The following EBF2 variants were observed in gnomAD, a reference collection of about 807,000 sequenced individuals.
EBF2 encodes EBF transcription factor 2.
In EBF2, 21 loss-of-function variants were observed where a neutral mutation model predicts 72.8. That is an observed-to-expected ratio of 0.29 (90% CI 0.20 to 0.42). The LOEUF (loss-of-function observed/expected upper bound fraction) is 0.42. EBF2 is among the 10% of genes least tolerant of loss of function. The pLI, the probability that EBF2 is intolerant of heterozygous loss-of-function variation, is 1.00. For synonymous variants in EBF2, 299 were observed against 274.2 expected (o/e 1.09, Z -0.89); for missense variants, 637 against 731.2 (o/e 0.87, Z 1.49).
At chr8:26,016,458 C>A (rs1004293204) in intron 6 of EBF2, among the ~76,000 whole-genome samples, 1 of 152,112 alleles carries the variant, frequency 6.6e-6, no homozygotes, top group African/African-American at 2.4e-5. Flanking sequence ...CCAACTTGGC[C>A]TCTACTTAGT....
chr8:25,905,583 C>A (rs1246598132), intron 7 of EBF2, among the ~76,000 whole-genome samples: 1 of 152,124 alleles, frequency 6.6e-6, no homozygotes, highest in East Asian at 1.9e-4. Context: ...AAAACAGACA[C>A]AAAAGCCACA....
At position 26,045,276 on chromosome 8, in the gene EBF2, G is replaced by GA. The variant is rs4055794; in HGVS notation, c.-418dup. 0.029 allele frequency: 4,167 copies of GA among 145,976 alleles called. 132 individuals carry two copies. The highest frequency in any genetic ancestry group is 0.07 in the African/African-American group (2,792 of 39,992). 9.0% of individuals were successfully genotyped at this position (145,976 alleles called of 1,614,324 possible). A position where few individuals can be genotyped will look rare whatever the true frequency, so the allele number is the denominator to read the frequency against. ...TGCTCCTCCCCACCGTTCCAATTTA[G>GA]AAAAAAAAAAAATCCCCAACAGGAT... is the stretch of plus-strand genomic sequence containing the variant. On this transcript the variant is annotated 5_prime_UTR_variant, in exon 1 of 16. Transcript: ENST00000520164.
chr8:25,963,153 A>C (rs1804061491), intron 6 of EBF2, among the ~76,000 whole-genome samples: 1 of 152,180 alleles, frequency 6.6e-6, no homozygotes, highest in African/African-American at 2.4e-5. Context: ...CAGATATGGA[A>C]GCAACACAGT....
rs570886554 is a variant in EBF2, at chr8:25,896,634, G to C, written c.634-6765C>G. On this transcript the variant is annotated intron_variant, in intron 7 of 15. Transcript: ENST00000520164. ...TTATGTGGGATTTTATTTTCCACCT[G>C]TGGAAGGAGGAAAGGGACAGAGAAA... 7.9e-5 allele frequency among the ~76,000 whole-genome samples: 12 copies of C among 152,280 alleles called. No individual in the cohort carries two copies. In the East Asian group the frequency reaches 1.9e-3, roughly 24 times the overall value.
At chr8:26,011,822 A>G (rs1258362887) in intron 6 of EBF2, among the ~76,000 whole-genome samples, 3 of 151,846 alleles carry the variant, frequency 2.0e-5, no homozygotes, top group African/African-American at 2.4e-5. Flanking sequence ...AAAAAAAAAA[A>G]GCAATGTGTT....
intron 6 of EBF2, among the ~76,000 whole-genome samples, chr8:25,960,800 C>A (rs1041801534): frequency 6.6e-6 from 1 of 152,156 alleles, no homozygotes; most frequent in African/African-American, 2.4e-5. Flanking sequence ...CTGCTAAATT[C>A]TTTAGAAAAC....
chr8:25,854,007 T>G (rs1436638474), intron 14 of EBF2, among the ~76,000 whole-genome samples: 1 of 152,170 alleles, frequency 6.6e-6, no homozygotes, highest in Non-Finnish European at 1.5e-5. Flanking sequence ...TGTCCGTATC[T>G]TCAAAGTTTT....
At chr8:25,890,734 C>T (rs1426005937) in intron 7 of EBF2, among the ~76,000 whole-genome samples, 1 of 152,134 alleles carries the variant, frequency 6.6e-6, no homozygotes, top group African/African-American at 2.4e-5. Flanking sequence ...TGACATGATG[C>T]TTAAAGGAAA....
intron 5 of EBF2, among the ~76,000 whole-genome samples, chr8:26,033,864 C>T (rs1480092843): frequency 1.3e-5 from 2 of 152,130 alleles, no homozygotes; most frequent in Admixed American, 1.3e-4. Context: ...AAACACTGAA[C>T]CTGAAGCCAA....
chr8:26,008,192 C>A (rs1804913731), intron 6 of EBF2, among the ~76,000 whole-genome samples: 1 of 152,130 alleles, frequency 6.6e-6, no homozygotes, highest in South Asian at 2.1e-4. Context: ...TTACAGCACA[C>A]AACCTCTCCT....
intron 6 of EBF2, among the ~76,000 whole-genome samples, chr8:25,973,645 T>C (rs1037791195): frequency 1.3e-5 from 2 of 152,164 alleles, no homozygotes; most frequent in East Asian, 1.9e-4. Flanking sequence ...AGATTGTTTT[T>C]CCCCCTTGAA....
chr8:25,956,927 A>G (rs1803958129), intron 6 of EBF2, among the ~76,000 whole-genome samples: 1 of 152,366 alleles, frequency 6.6e-6, no homozygotes, highest in Non-Finnish European at 1.5e-5. Context: ...GTCCCCAAGG[A>G]AACACCGCTC....
chr8:25,861,030 A>G lies in EBF2; in HGVS notation c.1342+19T>C. 6.2e-7 allele frequency: 1 copy of G among 1,613,896 alleles called. No individual in the cohort carries two copies. The highest frequency in any genetic ancestry group is 1.1e-5 in the South Asian group (1 of 91,052). On this transcript the variant is annotated intron_variant, in intron 13 of 15. Coordinates refer to ENST00000520164, the MANE Select transcript of EBF2 (RefSeq NM_022659.4). ...TTAAATTAGACATATTTGGATTTTGACTCTAAGAAAGGTGGTACCTTGATT... is the reference window on the plus strand; with the variant it reads ...TTAAATTAGACATATTTGGATTTTGGCTCTAAGAAAGGTGGTACCTTGATT...
At chr8:25,889,960 C>T in intron 7 of EBF2, 91 bp from the exon 8 acceptor site, 1 of 1,087,638 alleles carries the variant, frequency 9.2e-7, no homozygotes, top group Non-Finnish European at 1.4e-6. Context: ...TTTTGCCACA[C>T]TTCCATTTGG....
At chr8:26,010,988 T>TAAACACACACACAC (rs1443520784) in intron 6 of EBF2, among the ~76,000 whole-genome samples, 1 of 150,762 alleles carries the variant, frequency 6.6e-6, no homozygotes, top group Non-Finnish European at 1.5e-5. Context: ...TATGTGTGCA[T>TAAACACACACACAC]ACACACACAC....
At chr8:26,037,586 T>C (rs1805524219) in intron 5 of EBF2, among the ~76,000 whole-genome samples, 1 of 152,228 alleles carries the variant, frequency 6.6e-6, no homozygotes, top group African/African-American at 2.4e-5. Context: ...CTGCGCCTTG[T>C]GGCGAAAAGT....
intron 6 of EBF2, among the ~76,000 whole-genome samples, chr8:25,920,025 A>T: frequency 6.7e-6 from 1 of 149,376 alleles, no homozygotes; most frequent in South Asian, 2.1e-4. Context: ...TGGTTCAGGA[A>T]TTTTTTTTTT....
At chr8:26,022,449 A>G (rs573253276) in intron 6 of EBF2, among the ~76,000 whole-genome samples, 9 of 152,350 alleles carry the variant, frequency 5.9e-5, no homozygotes, top group African/African-American at 1.9e-4. Flanking sequence ...GAGGGGCTAC[A>G]TGGAAATAGA....
Position 25,919,662 on chromosome 8 carries a change from C to G in EBF2, c.552-11107G>C, listed in dbSNP as rs536642672. On this transcript the variant is annotated intron_variant, in intron 6 of 15. Transcript: ENST00000520164. Reference sequence around the variant, plus strand: ...TTTTTAAACAAAGCTACAAGATAAGCTAGCTTGGGAGTTGAGAAAGTTGAA... The same window carrying G: ...TTTTTAAACAAAGCTACAAGATAAGGTAGCTTGGGAGTTGAGAAAGTTGAA... 4.6e-5 allele frequency among the ~76,000 whole-genome samples: 7 copies of G among 152,284 alleles called. No homozygotes were observed. In the East Asian group the frequency reaches 1.4e-3, roughly 29 times the overall value.
Sources: gnomAD v4.1 joint callset for allele counts (sites outside exome capture counted in the v4.1 genomes callset) on GRCh38, gnomAD v4.1.1 for gene constraint, MANE v1.5 for transcripts, NCBI Gene and HGNC (gene_info 2026-07-23, HGNC 2026-07-21) for gene names.